PTPRM: variants seen among roughly 807,000 people sequenced by gnomAD.
The protein encoded by PTPRM is protein tyrosine phosphatase receptor type M, also known as receptor-type tyrosine-protein phosphatase mu.
In PTPRM, 47 loss-of-function variants were observed where a neutral mutation model predicts 186.7. That is an observed-to-expected ratio of 0.25 (90% CI 0.20 to 0.32). The LOEUF (loss-of-function observed/expected upper bound fraction) is 0.32. Among genes scored for constraint, PTPRM ranks in the 10% least tolerant of loss-of-function variants. The pLI, the probability that PTPRM is intolerant of heterozygous loss-of-function variation, is 1.00. For synonymous variants in PTPRM, 668 were observed against 674.9 expected (o/e 0.99, Z 0.16); for missense variants, 1,494 against 1,865.0 (o/e 0.80, Z 3.66).
At chr18:7,922,523 G>A (rs1045987311) in intron 4 of PTPRM, among the ~76,000 whole-genome samples, 9 of 152,196 alleles carry the variant, frequency 5.9e-5, no homozygotes, top group African/African-American at 9.6e-5. Flanking sequence ...GAAATTTTCC[G>A]GTTACTTTCT....
chr18:8,380,157 G>A, intron 28 of PTPRM, 139 bp from the exon 29 acceptor site: 1 of 846,356 alleles, frequency 1.2e-6, no homozygotes, highest in Non-Finnish European at 1.8e-6. Context: ...TGTTGGTGCT[G>A]ACAATGGTGA....
chr18:8,318,285 CTTTTTTTTTTTTTTTT>C (rs140026832), intron 21 of PTPRM, among the ~76,000 whole-genome samples: 10 of 59,926 alleles, frequency 1.7e-4, no homozygotes, highest in African/African-American at 7.4e-4. Context: ...TTGTTTCCTT[CTTTTTTTTTTTTTTTT>C]TTTTTTTTTT....
chr18:8,151,046 C>T (rs1305447275), intron 14 of PTPRM, among the ~76,000 whole-genome samples: 2 of 152,162 alleles, frequency 1.3e-5, no homozygotes, highest in Admixed American at 6.5e-5. Context: ...TCAGAGCTCT[C>T]CTGTATGAGG....
intron 2 of PTPRM, among the ~76,000 whole-genome samples, chr18:7,827,581 G>C (rs573423484): frequency 6.6e-6 from 1 of 152,282 alleles, no homozygotes; most frequent in East Asian, 1.9e-4. Flanking sequence ...CTTTCTGTGA[G>C]AGCCTTCGCT....
At chr18:8,380,171 A>C (rs1674374283) in intron 28 of PTPRM, 125 bp from the exon 29 acceptor site, 1 of 1,002,434 alleles carries the variant, frequency 1.0e-6, no homozygotes, top group South Asian at 1.6e-5. Context: ...ATGGTGACAG[A>C]ATTCAACAGC....
chr18:8,165,030 A>G (rs1190161616), intron 14 of PTPRM, among the ~76,000 whole-genome samples: 1 of 152,006 alleles, frequency 6.6e-6, no homozygotes, highest in Admixed American at 6.5e-5. Context: ...TTAGCTGAGT[A>G]CGGTGGCACA....
Position 7,700,993 on chromosome 18 carries a change from A to AAAAAAAAAG in PTPRM, c.74-73153_74-73152insAAAAAGAAA, listed in dbSNP as rs10653685. 6.0e-3 allele frequency among the ~76,000 whole-genome samples: 646 copies of AAAAAAAAAG among 107,026 alleles called. 2 individuals are homozygous for AAAAAAAAAG. The highest frequency in any genetic ancestry group is 0.027 in the East Asian group (62 of 2,332). 70.2% of individuals were successfully genotyped at this position (107,026 alleles called of 152,430 possible). A position where few individuals can be genotyped will look rare whatever the true frequency, so the allele number is the denominator to read the frequency against. ...CCTATCTCAAAAAAAAAAAAAAAAA[A>AAAAAAAAAG]AAAGAAAGAAAAAGAAAACAAGAAA... is the stretch of plus-strand genomic sequence containing the variant. On this transcript the variant is annotated intron_variant, in intron 1 of 32. Transcript: ENST00000580170.
chr18:7,705,419 A>G (rs1744321028), intron 1 of PTPRM, among the ~76,000 whole-genome samples: 2 of 150,844 alleles, frequency 1.3e-5, no homozygotes, highest in South Asian at 4.2e-4. Flanking sequence ...CAAAGTTTTA[A>G]TGGTGGTTGT....
intron 2 of PTPRM, among the ~76,000 whole-genome samples, chr18:7,781,216 T>C (rs1379441435): frequency 6.6e-6 from 1 of 152,190 alleles, no homozygotes. Flanking sequence ...ATAGAAGATA[T>C]AAATCTTCAT....
intron 7 of PTPRM, among the ~76,000 whole-genome samples, chr18:7,994,594 A>T (rs945730880): frequency 6.6e-6 from 1 of 152,202 alleles, no homozygotes; most frequent in Non-Finnish European, 1.5e-5. Context: ...ACATACTTCC[A>T]TAAATATAAA....
chr18:7,723,902 G>C (rs1186871988), intron 1 of PTPRM, among the ~76,000 whole-genome samples: 1 of 152,034 alleles, frequency 6.6e-6, no homozygotes, highest in African/African-American at 2.4e-5. Context: ...TACAAGTTCT[G>C]CTTCTGAAGC....
intron 13 of PTPRM, among the ~76,000 whole-genome samples, chr18:8,136,634 A>G (rs574216956): frequency 2.6e-4 from 40 of 152,344 alleles, no homozygotes; most frequent in African/African-American, 9.1e-4. Flanking sequence ...ATTCAAAAGC[A>G]TAATCAGGTT....
At chr18:7,629,821 A>T (rs1330540282) in intron 1 of PTPRM, among the ~76,000 whole-genome samples, 1 of 152,110 alleles carries the variant, frequency 6.6e-6, no homozygotes, top group Non-Finnish European at 1.5e-5. Flanking sequence ...ATTTTTAAAG[A>T]TCTCTCAGAC....
chr18:7,905,911 A>C (rs2049955872), intron 3 of PTPRM, among the ~76,000 whole-genome samples: 1 of 152,234 alleles, frequency 6.6e-6, no homozygotes, highest in South Asian at 2.1e-4. Context: ...CACCTAAAGC[A>C]ATCTGAATCT....
At chr18:8,181,293 G>A (rs571777429) in intron 14 of PTPRM, among the ~76,000 whole-genome samples, 2 of 152,130 alleles carry the variant, frequency 1.3e-5, no homozygotes, top group Non-Finnish European at 2.9e-5. Flanking sequence ...TTTATTTTGG[G>A]TAATGTTGGT....
Position 7,887,146 on chromosome 18 carries a change from A to T in PTPRM, c.197-960A>T, listed in dbSNP as rs1023346185. Among the ~76,000 whole-genome samples, 7 of 152,130 alleles carry T rather than the reference A, an allele frequency of 4.6e-5. No homozygotes were observed. In the South Asian group the frequency reaches 6.3e-4, roughly 14 times the overall value. On this transcript the variant is annotated intron_variant, in intron 2 of 32. Coordinates refer to ENST00000580170, the MANE Select transcript of PTPRM (RefSeq NM_001105244.2). The stretch of plus-strand genomic sequence containing the variant: ...GGTGTACTTGCTCCTTAGAATTTCA[A>T]CGCATTTTTTCTCTGTGCTAAAGCC...
At chr18:7,947,106 G>A (rs1034950214) in intron 5 of PTPRM, 6 of 430,312 alleles carry the variant, frequency 1.4e-5, no homozygotes, top group African/African-American at 1.2e-4. Context: ...GCACTCTTAA[G>A]TCATATTCCT....
At chr18:8,357,838 A>G (rs1322053667) in intron 23 of PTPRM, among the ~76,000 whole-genome samples, 1 of 151,910 alleles carries the variant, frequency 6.6e-6, no homozygotes, top group African/African-American at 2.4e-5. Context: ...CACTTAATTG[A>G]CTACAAACTG....
intron 2 of PTPRM, among the ~76,000 whole-genome samples, chr18:7,846,770 C>T (rs923307922): frequency 2.0e-5 from 3 of 152,176 alleles, no homozygotes; most frequent in African/African-American, 7.2e-5. Flanking sequence ...TGCCTACCTG[C>T]TTGTCTTCGG....
Sources: allele counts gnomAD v4.1 joint callset (sites outside exome capture counted in the v4.1 genomes callset), GRCh38; gene constraint gnomAD v4.1.1; transcripts MANE v1.5; gene names NCBI Gene and HGNC (gene_info 2026-07-23, HGNC 2026-07-21).